The following CD82 variants were observed in gnomAD, a reference collection of about 807,000 sequenced individuals.
CD82 encodes CD82 antigen.
Under a neutral mutation model 37.4 loss-of-function variants are expected in CD82, and 36 were observed. The observed-to-expected ratio is 0.96, with a 90% confidence interval of 0.74 to 1.27. The LOEUF (loss-of-function observed/expected upper bound fraction) is 1.27. CD82 is among the 50% of genes most tolerant of loss of function. CD82 has a pLI of 0.00. For missense variants in CD82, 340 were observed against 347.0 expected, an observed-to-expected ratio of 0.98 and a Z score of 0.16; for synonymous variants, 158 against 137.4, an observed-to-expected ratio of 1.15 and a Z score of -1.05.
chr11:44,618,756 C>T (rs758381473), intron 9 of CD82, 33 bp downstream of exon 9: 1 of 1,566,730 alleles, frequency 6.4e-7, no homozygotes, highest in Non-Finnish European at 8.8e-7. Flanking sequence ...CTTCTCCATC[C>T]CAGGTCCTCC....
In CD82 at chr11:44,605,429, G is replaced by C; in HGVS notation, c.336G>C (p.Lys112Asn). The change falls in exon 6 of 10, where the codon AAG becomes AAC. Residue 112 changes from lysine to asparagine, a missense_variant and splice_region_variant. Transcript: ENST00000227155. ...CCCTCTTCTACTTCAACATGGGCAA[G>C]GTAAGCCCCTCTCTCCCTCCCTCTT... Reference protein sequence around the residue: ...AGALFYFNMGKLKQEMGGIVT... With the variant: ...AGALFYFNMGNLKQEMGGIVT... The C allele has an allele frequency of 6.2e-7, 1 of 1,613,924 alleles. No individual in the cohort carries two copies. Among genetic ancestry groups the C allele is most frequent in the Non-Finnish European group, 8.5e-7 (1 of 1,179,806 alleles).
chr11:44,610,320 A>G lies in CD82; in HGVS notation c.336+4891A>G, dbSNP rs746981751. On this transcript the variant is annotated intron_variant, in intron 6 of 9. Transcript: ENST00000227155. ...AGAGAGGAGGAGGATGTGAACTAAT[A>G]CAAGTGGGTAGAAGTCATTTGAGCA... Among the ~76,000 whole-genome samples the G allele has an allele frequency of 1.2e-4, 19 of 152,208 alleles. No homozygotes were observed. The East Asian group carries it at 1.9e-3, about 15-fold the overall frequency.
intron 6 of CD82, among the ~76,000 whole-genome samples, chr11:44,614,806 G>A (rs376468922): frequency 2.0e-5 from 3 of 152,198 alleles, no homozygotes; most frequent in South Asian, 4.1e-4. Flanking sequence ...TAGGGGAAGA[G>A]CATTCCAGGC....
At position 44,602,248 on chromosome 11, in the gene CD82, C is replaced by T. The variant is rs75326502; in HGVS notation, c.136+2018C>T. Among the ~76,000 whole-genome samples, 243 of 152,310 alleles carry T rather than the reference C, an allele frequency of 1.6e-3. 1 individual carries two copies. Among genetic ancestry groups the T allele is most frequent in the African/African-American group, 5.7e-3 (237 of 41,548 alleles). Reference sequence around the variant, plus strand: ...CAATGAAGAGCAGACTCTAGCCTGACTGCTGGGGTTCGATTCACGGCGGTG... The same window carrying T: ...CAATGAAGAGCAGACTCTAGCCTGATTGCTGGGGTTCGATTCACGGCGGTG... On this transcript the variant is annotated intron_variant, in intron 4 of 9. Coordinates refer to ENST00000227155, the MANE Select transcript of CD82 (RefSeq NM_002231.4).
In CD82 at chr11:44,619,127, G is replaced by C. The variant is rs780577629; in HGVS notation, c.*1G>C. ...CTACAGCAAGGTCCCCAAGTACTGA[G>C]GCAGCTGCTATCCCCATCTCCCTGC... On this transcript the variant is annotated 3_prime_UTR_variant, in exon 10 of 10. Transcript: ENST00000227155. 6.2e-7 allele frequency: 1 copy of C among 1,612,790 alleles called. No homozygotes were observed. Among genetic ancestry groups the C allele is most frequent in the Admixed American group, 1.7e-5 (1 of 59,982 alleles).
chr11:44,604,703 A>C, intron 4 of CD82: 1 of 329,684 alleles, frequency 3.0e-6, no homozygotes, highest in Admixed American at 4.5e-5. Flanking sequence ...GAATAAAGTG[A>C]AGCTTCTGCC....
rs1382402721 is a variant in CD82, at chr11:44,594,831, T to C, written c.63+106T>C. On this transcript the variant is annotated intron_variant, in intron 3 of 9. Coordinates refer to ENST00000227155, the MANE Select transcript of CD82 (RefSeq NM_002231.4). ...CCGACCGGGCCGGGGATTGGGGGGA[T>C]TTGGTGGGTAGGGACTGAGGACGAA... 13 of 932,042 alleles carry C rather than the reference T, an allele frequency of 1.4e-5. No homozygotes were observed. In the Admixed American group the frequency reaches 2.1e-4, roughly 15 times the overall value. The allele number at this position is 932,042 out of a possible 1,614,324, so 57.7% of individuals were successfully genotyped here. A position where few individuals can be genotyped will look rare whatever the true frequency, so the allele number is the denominator to read the frequency against.
chr11:44,595,384 GGT>G (rs368131000), intron 3 of CD82, among the ~76,000 whole-genome samples: 3 of 151,978 alleles, frequency 2.0e-5, no homozygotes, highest in Non-Finnish European at 4.4e-5. Flanking sequence ...GGGATGGTGG[GGT>G]GTGTGTGTGA....
At chr11:44,592,260 C>G (rs1853156483) in intron 2 of CD82, among the ~76,000 whole-genome samples, 1 of 152,348 alleles carries the variant, frequency 6.6e-6, no homozygotes. Context: ...CTCAGGGTTG[C>G]CAAAGAACTC....
At chr11:44,595,026 C>T in intron 3 of CD82, 4 of 439,852 alleles carry the variant, frequency 9.1e-6, no homozygotes, top group South Asian at 7.2e-5. Context: ...GGGCATCCCC[C>T]TAACTCAACA....
chr11:44,567,402 G>A (rs1231490601), intron 1 of CD82, among the ~76,000 whole-genome samples: 1 of 151,930 alleles, frequency 6.6e-6, no homozygotes, highest in Admixed American at 6.6e-5. Flanking sequence ...TGTAGGGCAG[G>A]GGGAGGTGTT....
intron 7 of CD82, among the ~76,000 whole-genome samples, chr11:44,617,704 C>T (rs1590353325): frequency 6.6e-6 from 1 of 152,176 alleles, no homozygotes; most frequent in African/African-American, 2.4e-5. Context: ...TTATTGTGCT[C>T]CCCACACCTA....
chr11:44,567,880 A>T (rs1174141514), intron 1 of CD82, among the ~76,000 whole-genome samples: 4 of 152,218 alleles, frequency 2.6e-5, no homozygotes, highest in Non-Finnish European at 5.9e-5. Context: ...GCCAGAATGA[A>T]GATAGTGTCT....
At chr11:44,598,168 G>A (rs1384533238) in intron 3 of CD82, among the ~76,000 whole-genome samples, 1 of 151,890 alleles carries the variant, frequency 6.6e-6, no homozygotes, top group Non-Finnish European at 1.5e-5. Context: ...CCTCAGTGAT[G>A]ATTCTGGTGG....
intron 6 of CD82, among the ~76,000 whole-genome samples, chr11:44,611,976 A>G (rs556055720): frequency 9.2e-5 from 14 of 152,270 alleles, no homozygotes; most frequent in African/African-American, 3.4e-4. Context: ...TCAGTGCAAC[A>G]TGTTGTGAGG....
Position 44,618,040 on chromosome 11 carries a change from G to T in CD82, c.439-122G>T, listed in dbSNP as rs114706648. The T allele has an allele frequency of 7.2e-4, 553 of 762,942 alleles. 1 individual carries two copies. In the African/African-American group the frequency reaches 8.8e-3, roughly 12 times the overall value. 47.3% of individuals were successfully genotyped at this position (762,942 alleles called of 1,614,324 possible). On this transcript the variant is annotated intron_variant, in intron 7 of 9. Coordinates refer to ENST00000227155, the MANE Select transcript of CD82 (RefSeq NM_002231.4). Reference sequence around the variant, plus strand: ...TTGTAGTTTATGATGGTTCGGCTGGGACCAGGGGCCTGGAAGTGGCATATC... The same window carrying T: ...TTGTAGTTTATGATGGTTCGGCTGGTACCAGGGGCCTGGAAGTGGCATATC...
At chr11:44,596,817 C>T in intron 3 of CD82, 1 of 440,796 alleles carries the variant, frequency 2.3e-6, no homozygotes, top group African/African-American at 2.0e-5. Flanking sequence ...GCGGAAGAGC[C>T]CTGATTGCTA....
intron 1 of CD82, among the ~76,000 whole-genome samples, chr11:44,567,100 G>A (rs1024912399): frequency 1.3e-5 from 2 of 152,162 alleles, no homozygotes; most frequent in Admixed American, 1.3e-4. Flanking sequence ...CCTGTAGAGA[G>A]GATCAGTCAC....
intron 2 of CD82, among the ~76,000 whole-genome samples, chr11:44,590,957 C>T (rs934176): frequency 0.98 from 149,754 of 152,352 alleles, 73,613 homozygotes; most frequent in Non-Finnish European, 0.99. Flanking sequence ...GCCCATCTCC[C>T]GCTGAGTGTG....
Sources: allele counts gnomAD v4.1 joint callset (sites outside exome capture counted in the v4.1 genomes callset), GRCh38; gene constraint gnomAD v4.1.1; transcripts MANE v1.5; gene names NCBI Gene and HGNC (gene_info 2026-07-23, HGNC 2026-07-21).